TGFA: variants seen among roughly 807,000 people sequenced by gnomAD.
TGFA encodes transforming growth factor alpha.
TGFA carries 12 observed loss-of-function variants against 21.7 expected under a neutral mutation model. That is an observed-to-expected ratio of 0.55 (90% CI 0.35 to 0.90). TGFA has a LOEUF of 0.90. Among genes scored for constraint, TGFA ranks in the 40% least tolerant of loss-of-function variants. The pLI, the probability that TGFA is intolerant of heterozygous loss-of-function variation, is 0.01. For synonymous variants in TGFA, 79 were observed against 88.1 expected (o/e 0.90, Z 0.58); for missense variants, 178 against 210.8 (o/e 0.84, Z 0.96).
intron 1 of TGFA, among the ~76,000 whole-genome samples, chr2:70,541,153 G>A (rs1268602618): frequency 2.0e-5 from 3 of 152,124 alleles, no homozygotes; most frequent in Non-Finnish European, 4.4e-5. Context: ...ATAACTCAGT[G>A]GCAAGAATTT....
At chr2:70,550,094 A>G (rs1673441093) in intron 1 of TGFA, among the ~76,000 whole-genome samples, 1 of 152,242 alleles carries the variant, frequency 6.6e-6, no homozygotes, top group Non-Finnish European at 1.5e-5. Flanking sequence ...TGACTTAAAC[A>G]GGGAAGGTGA....
chr2:70,522,251 T>C (rs917397741), intron 1 of TGFA, among the ~76,000 whole-genome samples: 4 of 152,150 alleles, frequency 2.6e-5, no homozygotes, highest in African/African-American at 4.8e-5. Context: ...ATCAAAGACT[T>C]GGACTAGGGG....
At position 70,514,853 on chromosome 2, in the gene TGFA, A is replaced by G. The variant is rs373980666; in HGVS notation, c.94+6T>C. The G allele has an allele frequency of 3.1e-6, 5 of 1,613,842 alleles. No homozygotes were observed. Among genetic ancestry groups the G allele is most frequent in the Non-Finnish European group, 4.2e-6 (5 of 1,179,962 alleles). On this transcript the variant is annotated splice_donor_region_variant and intron_variant, in intron 2 of 5. Transcript: ENST00000295400. ...CGATCCACACACCCACGGCAGCTGC[A>G]CTCACCACTCAGCGGGGACGTGCTG...
intron 1 of TGFA, among the ~76,000 whole-genome samples, chr2:70,535,049 T>TA (rs397753355): frequency 3.9e-5 from 6 of 151,974 alleles, no homozygotes; most frequent in East Asian, 1.9e-4. Context: ...GTTTTTTTTT[T>TA]AAATCTCTAA....
At chr2:70,526,520 C>T (rs1470366041) in intron 1 of TGFA, among the ~76,000 whole-genome samples, 1 of 152,212 alleles carries the variant, frequency 6.6e-6, no homozygotes, top group Admixed American at 6.5e-5. Context: ...TGGGCAGAAT[C>T]TCATTTATTG....
intron 2 of TGFA, among the ~76,000 whole-genome samples, chr2:70,491,606 C>G (rs2103786784): frequency 6.6e-6 from 1 of 152,264 alleles, no homozygotes. Flanking sequence ...GTCAAGTCTC[C>G]CTCTTACCCT....
intron 2 of TGFA, among the ~76,000 whole-genome samples, chr2:70,499,036 T>C (rs927239548): frequency 2.6e-5 from 4 of 152,110 alleles, no homozygotes; most frequent in African/African-American, 9.7e-5. Flanking sequence ...CCCAGGTAAT[T>C]CTAACGTGCA....
At chr2:70,486,323 G>A (rs1344780274) in intron 2 of TGFA, among the ~76,000 whole-genome samples, 5 of 152,160 alleles carry the variant, frequency 3.3e-5, no homozygotes, top group Admixed American at 3.3e-4. Context: ...CCGTGTCTGA[G>A]TACCTCTAAG....
intron 1 of TGFA, among the ~76,000 whole-genome samples, chr2:70,526,624 AT>A (rs1307420937): frequency 5.3e-5 from 8 of 152,204 alleles, no homozygotes; most frequent in African/African-American, 1.4e-4. Context: ...AATTTAAGAC[AT>A]TTTAAAGGAA....
At chr2:70,532,641 G>A (rs745585611) in intron 1 of TGFA, among the ~76,000 whole-genome samples, 10 of 152,124 alleles carry the variant, frequency 6.6e-5, no homozygotes, top group Admixed American at 1.3e-4. Context: ...AGGCTCCTAC[G>A]CCTGTGGTTC....
chr2:70,470,252 A>T (rs569098133), intron 2 of TGFA, among the ~76,000 whole-genome samples: 1 of 152,254 alleles, frequency 6.6e-6, no homozygotes, highest in Non-Finnish European at 1.5e-5. Flanking sequence ...GACAAAGGAA[A>T]GTAAGGGTAA....
chr2:70,488,149 ATTCT>A (rs1184588714), intron 2 of TGFA, among the ~76,000 whole-genome samples: 5 of 152,152 alleles, frequency 3.3e-5, no homozygotes, highest in African/African-American at 9.7e-5. Flanking sequence ...CTAGTGATAC[ATTCT>A]TTCTTGTCTA....
At chr2:70,493,223 A>G (rs1175693980) in intron 2 of TGFA, among the ~76,000 whole-genome samples, 2 of 152,228 alleles carry the variant, frequency 1.3e-5, no homozygotes, top group Non-Finnish European at 2.9e-5. Context: ...AGTTTCCTTC[A>G]GCAGCACTGA....
intron 2 of TGFA, among the ~76,000 whole-genome samples, chr2:70,505,444 T>G (rs1553500005): frequency 6.6e-6 from 1 of 152,138 alleles, no homozygotes; most frequent in Admixed American, 6.5e-5. Flanking sequence ...CTGTGGACTG[T>G]TAGGTGATTA....
intron 1 of TGFA, chr2:70,553,503 C>A: frequency 1.4e-6 from 2 of 1,382,896 alleles, no homozygotes; most frequent in Non-Finnish European, 1.9e-6. Context: ...CACGCACGGC[C>A]CAGGCAGCCA....
chr2:70,528,094 C>T (rs1672694355), intron 1 of TGFA, among the ~76,000 whole-genome samples: 1 of 152,210 alleles, frequency 6.6e-6, no homozygotes, highest in African/African-American at 2.4e-5. Flanking sequence ...TGAATTCTAC[C>T]CTGCTGAAAA....
chr2:70,548,071 A>G (rs184787440), intron 1 of TGFA, among the ~76,000 whole-genome samples: 1 of 152,230 alleles, frequency 6.6e-6, no homozygotes, highest in Admixed American at 6.5e-5. Context: ...TATTTTTTAA[A>G]ACAATAAAAT....
chr2:70,536,282 T>C (rs1165829922), intron 1 of TGFA, among the ~76,000 whole-genome samples: 3 of 152,198 alleles, frequency 2.0e-5, no homozygotes, highest in East Asian at 1.9e-4. Context: ...CAAGGAGAAA[T>C]AGAGGAATCC....
chr2:70,481,598 C>A (rs1671123226), intron 2 of TGFA, among the ~76,000 whole-genome samples: 1 of 152,222 alleles, frequency 6.6e-6, no homozygotes, highest in African/African-American at 2.4e-5. Context: ...CTGGTATCCA[C>A]AGCCTTGTGA....
Sources: allele counts gnomAD v4.1 joint callset (sites outside exome capture counted in the v4.1 genomes callset), GRCh38; gene constraint gnomAD v4.1.1; transcripts MANE v1.5; gene names NCBI Gene and HGNC (gene_info 2026-07-23, HGNC 2026-07-21).